The following NDRG3 variants were observed in gnomAD, a reference collection of about 807,000 sequenced individuals.
The protein encoded by NDRG3 is protein NDRG3.
In NDRG3, 23 loss-of-function variants were observed where a neutral mutation model predicts 57.2. That is an observed-to-expected ratio of 0.40 (90% CI 0.29 to 0.57). NDRG3 has a LOEUF of 0.57. Among genes scored for constraint, NDRG3 ranks in the 20% least tolerant of loss-of-function variants. The pLI is 0.42. For synonymous variants in NDRG3, 132 were observed against 162.6 expected (o/e 0.81, Z 1.43); for missense variants, 384 against 457.3 (o/e 0.84, Z 1.46).
At chr20:36,735,438 C>T (rs962548847) in intron 1 of NDRG3, among the ~76,000 whole-genome samples, 1 of 152,194 alleles carries the variant, frequency 6.6e-6, no homozygotes, top group Non-Finnish European at 1.5e-5. Flanking sequence ...GGATACTCAA[C>T]CTGTATTTCC....
chr20:36,663,253 T>G (rs1201052111), intron 12 of NDRG3, among the ~76,000 whole-genome samples: 1 of 152,192 alleles, frequency 6.6e-6, no homozygotes, highest in Non-Finnish European at 1.5e-5. Context: ...ACAGGGCAGT[T>G]CAGGGAGATG....
At chr20:36,700,455 A>C (rs138007694) in intron 3 of NDRG3, 1 of 532,558 alleles carries the variant, frequency 1.9e-6, no homozygotes, top group Admixed American at 1.9e-5. Flanking sequence ...ATTGGCATGC[A>C]TATTTTTCGT....
At chr20:36,715,006 GTATATATATATA>G (rs545495779) in intron 2 of NDRG3, among the ~76,000 whole-genome samples, 290 of 26,676 alleles carry the variant, frequency 0.011, 5 homozygotes, top group East Asian at 0.018. Context: ...GTGTGTGTGT[GTATATATATATA>G]TATATATATA....
chr20:36,707,112 T>C (rs978138013), intron 2 of NDRG3, 105 bp from the exon 3 acceptor site: 7 of 1,057,100 alleles, frequency 6.6e-6, no homozygotes, highest in Middle Eastern at 4.6e-4. Flanking sequence ...AGCCTCTTGG[T>C]TGCCATAAAA....
intron 1 of NDRG3, among the ~76,000 whole-genome samples, chr20:36,740,078 C>CTA (rs961002152): frequency 1.3e-5 from 2 of 152,094 alleles, no homozygotes; most frequent in African/African-American, 4.8e-5. Context: ...TTGTCAAATG[C>CTA]TATAGCTAAA....
intron 1 of NDRG3, among the ~76,000 whole-genome samples, chr20:36,724,384 T>C (rs1217920420): frequency 6.6e-6 from 1 of 152,200 alleles, no homozygotes; most frequent in Non-Finnish European, 1.5e-5. Context: ...ATTGAGCTAC[T>C]TAATGCCCAG....
At position 36,680,725 on chromosome 20, in the gene NDRG3, C is replaced by T. The variant is rs1327319630; in HGVS notation, c.531+91G>A. 5 of 895,502 alleles carry T rather than the reference C, an allele frequency of 5.6e-6. No homozygotes were observed. In the African/African-American group the frequency reaches 6.6e-5, roughly 12 times the overall value. The allele number at this position is 895,502 out of a possible 1,614,324, so 55.5% of individuals were successfully genotyped here. On this transcript the variant is annotated intron_variant, in intron 8 of 15. Coordinates refer to ENST00000349004, the MANE Select transcript of NDRG3 (RefSeq NM_032013.4). ...CAAGCTATATACTTAACATTTTTAC[C>T]CTTAACTGTATATATACCTCAATGA...
chr20:36,672,178 A>G (rs759862369), intron 8 of NDRG3, among the ~76,000 whole-genome samples: 1 of 152,138 alleles, frequency 6.6e-6, no homozygotes, highest in Non-Finnish European at 1.5e-5. Context: ...TGTTTACAGA[A>G]TGTTCTTGAG....
intron 5 of NDRG3, 131 bp from the exon 6 acceptor site, chr20:36,684,606 T>C: frequency 1.3e-6 from 1 of 745,970 alleles, no homozygotes; most frequent in South Asian, 1.6e-5. Flanking sequence ...TCCCAGCACT[T>C]TGGGACACCG....
At chr20:36,668,809 T>G (rs1317045239) in intron 9 of NDRG3, 1 of 151,332 alleles carries the variant, frequency 6.6e-6, no homozygotes, top group Non-Finnish European at 1.5e-5. Flanking sequence ...TAGAGAGAGA[T>G]AAATTGTATA....
intron 2 of NDRG3, among the ~76,000 whole-genome samples, chr20:36,708,635 G>A (rs1245525983): frequency 3.0e-5 from 4 of 134,532 alleles, no homozygotes; most frequent in African/African-American, 8.4e-5. Flanking sequence ...GTGTCAGAGC[G>A]AGACTCCGTC....
At chr20:36,709,991 C>G (rs1384804710) in intron 2 of NDRG3, among the ~76,000 whole-genome samples, 1 of 151,976 alleles carries the variant, frequency 6.6e-6, no homozygotes, top group African/African-American at 2.4e-5. Flanking sequence ...ATAGTCTTTA[C>G]AGTTTGACCT....
chr20:36,739,134 C>A (rs6029164), intron 1 of NDRG3, among the ~76,000 whole-genome samples: 8,681 of 87,314 alleles, frequency 0.099, 3,285 homozygotes, highest in Non-Finnish European at 0.12. Flanking sequence ...GACCCCATCT[C>A]AAAAAAAAAA....
chr20:36,715,916 C>T (rs999782046), intron 2 of NDRG3, among the ~76,000 whole-genome samples: 2 of 148,762 alleles, frequency 1.3e-5, no homozygotes, highest in Non-Finnish European at 3.0e-5. Context: ...ATGGCTTGAG[C>T]CCCAGAGTTT....
intron 8 of NDRG3, among the ~76,000 whole-genome samples, chr20:36,673,993 A>G (rs1203819813): frequency 3.3e-5 from 5 of 151,780 alleles, no homozygotes; most frequent in African/African-American, 1.2e-4. Context: ...AATCCCAGCT[A>G]CTCAGGAGGC....
intron 15 of NDRG3, 110 bp downstream of exon 15, chr20:36,656,250 A>G (rs1450977842): frequency 2.0e-6 from 2 of 1,018,408 alleles, no homozygotes; most frequent in East Asian, 4.8e-5. Flanking sequence ...TACTTTGCTT[A>G]AGGCTAGCTG....
chr20:36,656,809 C>T (rs374410237), intron 13 of NDRG3, among the ~76,000 whole-genome samples: 2 of 152,212 alleles, frequency 1.3e-5, no homozygotes, highest in South Asian at 2.1e-4. Context: ...AACCACTACT[C>T]TCAACCATGA....
At chr20:36,701,231 G>T (rs533836693) in intron 3 of NDRG3, among the ~76,000 whole-genome samples, 5 of 152,120 alleles carry the variant, frequency 3.3e-5, no homozygotes, top group African/African-American at 1.2e-4. Flanking sequence ...GAAAGCTGTA[G>T]TCTTAAACAC....
intron 1 of NDRG3, among the ~76,000 whole-genome samples, chr20:36,733,359 G>A (rs939389276): frequency 1.3e-4 from 19 of 151,754 alleles, no homozygotes; most frequent in Admixed American, 9.2e-4. Context: ...ACACCAGGCC[G>A]CTAGCTAGTA....
Sources: allele counts gnomAD v4.1 joint callset (sites outside exome capture counted in the v4.1 genomes callset), GRCh38; gene constraint gnomAD v4.1.1; transcripts MANE v1.5; gene names NCBI Gene and HGNC (gene_info 2026-07-23, HGNC 2026-07-21).